The following PITPNM2 variants were observed in gnomAD, a reference collection of about 807,000 sequenced individuals.
The protein encoded by PITPNM2 is membrane-associated phosphatidylinositol transfer protein 2.
A neutral mutation model predicts 132.2 loss-of-function variants in PITPNM2; 35 were observed. The ratio of observed to expected loss-of-function variants is 0.26; its 90% CI spans 0.20 to 0.35. The LOEUF (loss-of-function observed/expected upper bound fraction) is 0.35. Among genes scored for constraint, PITPNM2 ranks in the 10% least tolerant of loss-of-function variants. The pLI is 1.00. For missense variants in PITPNM2, 1,332 were observed against 1,912.0 expected, an observed-to-expected ratio of 0.70 and a Z score of 5.66; for synonymous variants, 738 against 799.2, an observed-to-expected ratio of 0.92 and a Z score of 1.29.
At chr12:123,035,388 G>T (rs1031242391) in intron 2 of PITPNM2, among the ~76,000 whole-genome samples, 1 of 152,052 alleles carries the variant, frequency 6.6e-6, no homozygotes, top group African/African-American at 2.4e-5. Flanking sequence ...TAACTGGGCC[G>T]GGCACAGTGG....
rs550941073 is a variant in PITPNM2, at chr12:122,989,381, A to G, written c.2731+406T>C. Among the ~76,000 whole-genome samples the G allele has an allele frequency of 5.3e-5, 8 of 152,314 alleles. No homozygotes were observed. The South Asian group carries it at 1.7e-3, about 32-fold the overall frequency. On this transcript the variant is annotated intron_variant, in intron 18 of 25. Transcript: ENST00000320201. ...TGTGGGCGGGGAAGCCTGGGCCTCC[A>G]GATGGATGGTCCTGGGTGCATCTGG...
In PITPNM2 at chr12:123,150,193, G is replaced by A. The variant is rs1268283645; in HGVS notation, c.-200+560C>T. Among the ~76,000 whole-genome samples the A allele has an allele frequency of 6.6e-6, 1 of 152,100 alleles. No individual in the cohort carries two copies. The highest frequency in any genetic ancestry group is 2.1e-4 in the South Asian group (1 of 4,830). On this transcript the variant is annotated intron_variant, in intron 1 of 25. Coordinates refer to ENST00000320201, the MANE Select transcript of PITPNM2 (RefSeq NM_020845.3). The surrounding 1 kb of genome is among the most constrained non-coding windows in gnomAD (Gnocchi z 6.0). The stretch of plus-strand genomic sequence containing the variant: ...CTGCCACGGATAAGAAAGGATTCGG[G>A]GTGGGAAGAAGACAGAGCCGGCACC...
At chr12:123,113,898 A>G (rs570436116) in intron 1 of PITPNM2, among the ~76,000 whole-genome samples, 62 of 152,190 alleles carry the variant, frequency 4.1e-4, no homozygotes, top group African/African-American at 1.3e-3. Context: ...TTCTGCCTCT[A>G]TGGGTTTGCC....
chr12:123,131,637 G>A (rs545345095), intron 1 of PITPNM2, among the ~76,000 whole-genome samples: 7 of 152,166 alleles, frequency 4.6e-5, no homozygotes, highest in Admixed American at 4.6e-4. Flanking sequence ...AATCCCTCCA[G>A]GACATCACCC....
At chr12:123,129,429 G>C (rs1467448922) in intron 1 of PITPNM2, among the ~76,000 whole-genome samples, 2 of 151,964 alleles carry the variant, frequency 1.3e-5, no homozygotes, top group African/African-American at 4.8e-5. Flanking sequence ...AATTAGCTGG[G>C]CATGGTGGCG....
At chr12:123,052,577 C>G (rs1477713609) in intron 2 of PITPNM2, among the ~76,000 whole-genome samples, 1 of 152,184 alleles carries the variant, frequency 6.6e-6, no homozygotes, top group East Asian at 1.9e-4. Context: ...CATGATCACA[C>G]AACTGCACTC....
intron 1 of PITPNM2, among the ~76,000 whole-genome samples, chr12:123,145,680 T>A (rs1424348321): frequency 6.6e-6 from 1 of 152,188 alleles, no homozygotes; most frequent in Non-Finnish European, 1.5e-5. Context: ...TTGGTTAATC[T>A]CCTTTGTGTC....
chr12:123,052,428 G>A (rs2040890737), intron 2 of PITPNM2, among the ~76,000 whole-genome samples: 1 of 152,144 alleles, frequency 6.6e-6, no homozygotes, highest in Non-Finnish European at 1.5e-5. Context: ...AGATCAGCCT[G>A]AGCAACACAG....
chr12:123,034,751 A>C (rs763613931), intron 2 of PITPNM2, 66 bp from the exon 3 acceptor site: 28 of 636,300 alleles, frequency 4.4e-5, no homozygotes, highest in Admixed American at 7.2e-5. Flanking sequence ...ACCATAGCAC[A>C]GAGGAAAGGC....
chr12:123,060,193 A>C (rs2041184949), intron 2 of PITPNM2, among the ~76,000 whole-genome samples: 1 of 152,160 alleles, frequency 6.6e-6, no homozygotes, highest in Admixed American at 6.5e-5. Context: ...AGCATACTGC[A>C]GGAGAAGGAA....
chr12:123,060,807 AG>A (rs2041210040), intron 2 of PITPNM2, among the ~76,000 whole-genome samples: 1 of 152,166 alleles, frequency 6.6e-6, no homozygotes, highest in Non-Finnish European at 1.5e-5. Flanking sequence ...GCAGTCCTTA[AG>A]GGTGCCAGGT....
At chr12:123,074,402 C>T (rs1335015772) in intron 2 of PITPNM2, among the ~76,000 whole-genome samples, 2 of 152,058 alleles carry the variant, frequency 1.3e-5, no homozygotes, top group Non-Finnish European at 2.9e-5. Context: ...ACTGCACACA[C>T]TCTCACATAC....
intron 1 of PITPNM2, among the ~76,000 whole-genome samples, chr12:123,146,368 G>A (rs1207319946): frequency 6.6e-6 from 1 of 152,114 alleles, no homozygotes; most frequent in Non-Finnish European, 1.5e-5. Context: ...GCCAAGGTGG[G>A]CGGATCACTG....
In PITPNM2 at chr12:123,008,245, C is replaced by T. The variant is rs981372327; in HGVS notation, c.643+1605G>A. 2.6e-5 allele frequency among the ~76,000 whole-genome samples: 4 copies of T among 152,186 alleles called. No homozygotes were observed. Among genetic ancestry groups the T allele is most frequent in the Admixed American group, 2.6e-4 (4 of 15,276 alleles). The stretch of plus-strand genomic sequence containing the variant: ...TGCAGCTTGGCCAGGATCTCAGCTG[C>T]TGGGTAGGGCTAGGGAGAGCCAAGC... On this transcript the variant is annotated intron_variant, in intron 6 of 25. Coordinates refer to ENST00000320201, the MANE Select transcript of PITPNM2 (RefSeq NM_020845.3). This position sits in a 1 kb window ranked among gnomAD's most constrained non-coding sequence, Gnocchi z 4.1.
rs566638702 is a variant in PITPNM2 at position 122,993,310 on chromosome 12, C to T, written c.2234-641G>A. On this transcript the variant is annotated intron_variant, in intron 15 of 25. Coordinates refer to ENST00000320201, the MANE Select transcript of PITPNM2 (RefSeq NM_020845.3). This position sits in a 1 kb window ranked among gnomAD's most constrained non-coding sequence, Gnocchi z 5.2. ...TAGGGCAGCCCTGCCCTGCCTGTAT[C>T]GGAAAATGTTTCCCCTTCTGTCAAA... Among the ~76,000 whole-genome samples the T allele has an allele frequency of 2.6e-5, 4 of 152,184 alleles. No individual in the cohort carries two copies. The highest frequency in any genetic ancestry group is 1.9e-4 in the East Asian group (1 of 5,172).
chr12:122,996,462 A>G lies in PITPNM2; in HGVS notation c.1778T>C (p.Met593Thr). 2 of 1,613,068 alleles carry G rather than the reference A, an allele frequency of 1.2e-6. No individual in the cohort carries two copies. The highest frequency in any genetic ancestry group is 1.1e-5 in the South Asian group (1 of 91,078). The change falls in exon 13 of 26, where the codon ATG becomes ACG. Residue 593 changes from methionine to threonine, a missense_variant. Met to Thr is a moderately conservative substitution (Grantham distance 81). Coordinates refer to ENST00000320201, the MANE Select transcript of PITPNM2 (RefSeq NM_020845.3). Reference sequence around the variant, plus strand: ...TCTGGGCCCCCACTTGGGTACCTGCATGCTGACCACGCTGCCCCGGCGGCT... The same window carrying G: ...TCTGGGCCCCCACTTGGGTACCTGCGTGCTGACCACGCTGCCCCGGCGGCT... ...SSSRRGSVVS[M>T]QDNDLLSPGI... is the part of the protein sequence containing the mutation.
intron 2 of PITPNM2, among the ~76,000 whole-genome samples, chr12:123,071,622 C>G (rs1350530071): frequency 6.6e-6 from 1 of 152,238 alleles, no homozygotes; most frequent in African/African-American, 2.4e-5. Context: ...TGGCCCTGAT[C>G]CTAGGACAGC....
At position 122,992,867 on chromosome 12, in the gene PITPNM2, C is replaced by T. The variant is rs1406117898; in HGVS notation, c.2234-198G>A. Among the ~76,000 whole-genome samples the T allele has an allele frequency of 6.6e-6, 1 of 152,134 alleles. No homozygotes were observed. Among genetic ancestry groups the T allele is most frequent in the Non-Finnish European group, 1.5e-5 (1 of 68,038 alleles). ...TTGAGACAGGGTCTTGCTCTGTCACCCAGGCTGGAGGGCAGTGGTGCGATC... is the reference window on the plus strand; with the variant it reads ...TTGAGACAGGGTCTTGCTCTGTCACTCAGGCTGGAGGGCAGTGGTGCGATC... On this transcript the variant is annotated intron_variant, in intron 15 of 25. Transcript: ENST00000320201. The surrounding 1 kb of genome is among the most constrained non-coding windows in gnomAD (Gnocchi z 6.5).
At position 123,150,280 on chromosome 12, in the gene PITPNM2, C is replaced by A. The variant is rs1270871518; in HGVS notation, c.-200+473G>T. 6.6e-6 allele frequency among the ~76,000 whole-genome samples: 1 copy of A among 151,876 alleles called. No individual in the cohort carries two copies. The highest frequency in any genetic ancestry group is 2.0e-4 in the East Asian group (1 of 5,128). ...GGGCCACACCCCAACCCTGGGCCCC[C>A]GACAAGCAGAGGCCACGGCCCGGGC... On this transcript the variant is annotated intron_variant, in intron 1 of 25. Coordinates refer to ENST00000320201, the MANE Select transcript of PITPNM2 (RefSeq NM_020845.3). The surrounding 1 kb of genome is among the most constrained non-coding windows in gnomAD (Gnocchi z 6.0).
Sources: gnomAD v4.1 joint callset for allele counts (sites outside exome capture counted in the v4.1 genomes callset) on GRCh38, gnomAD v4.1.1 for gene constraint, Gnocchi (gnomAD v3.1) non-coding constraint, MANE v1.5 for transcripts, NCBI Gene and HGNC (gene_info 2026-07-23, HGNC 2026-07-21) for gene names.